The following ZDHHC15 variants were observed in gnomAD, a reference collection of about 807,000 sequenced individuals.
ZDHHC15 encodes the protein zDHHC palmitoyltransferase 15, also known as palmitoyltransferase ZDHHC15.
ZDHHC15 carries 19 observed loss-of-function variants against 31.7 expected under a neutral mutation model. The observed-to-expected ratio is 0.60, with a 90% CI of 0.42 to 0.88. The LOEUF (loss-of-function observed/expected upper bound fraction) is 0.88, where lower values mean the gene tolerates loss of function less well. Among genes scored for constraint, ZDHHC15 ranks in the 40% least tolerant of loss-of-function variants. The pLI is 0.00. For synonymous variants in ZDHHC15, 103 were observed against 90.0 expected (o/e 1.14, Z -0.82); for missense variants, 209 against 251.2 (o/e 0.83, Z 1.14).
At chrX:75,455,181 T>C (rs1206414533) in intron 3 of ZDHHC15, among the ~76,000 whole-genome samples, 1 of 111,097 alleles carries the variant, frequency 9.0e-6, no homozygotes, top group East Asian at 2.8e-4. Flanking sequence ...TATAGCCCAA[T>C]GGAACAGAAC....
At chrX:75,430,203 T>A (rs1423972554) in intron 5 of ZDHHC15, among the ~76,000 whole-genome samples, 3 of 111,789 alleles carry the variant, frequency 2.7e-5, no homozygotes, top group Non-Finnish European at 5.6e-5. Flanking sequence ...GTTACATGCT[T>A]ATAAGTCCAA....
chrX:75,494,975 C>T (rs2084966891), intron 2 of ZDHHC15, among the ~76,000 whole-genome samples: 1 of 111,884 alleles, frequency 8.9e-6, no homozygotes, highest in Non-Finnish European at 1.9e-5. Context: ...GCAAAAGAAA[C>T]TACCATCAGA....
chrX:75,458,871 A>G (rs1008799738), intron 3 of ZDHHC15, among the ~76,000 whole-genome samples: 7 of 108,980 alleles, frequency 6.4e-5, no homozygotes, highest in African/African-American at 1.0e-4. Context: ...GAGTGAGTTC[A>G]GCACCTTCAA....
chrX:75,509,273 T>C (rs1173708982), intron 1 of ZDHHC15, among the ~76,000 whole-genome samples: 6 of 112,113 alleles, frequency 5.4e-5, no homozygotes, highest in African/African-American at 1.9e-4. Flanking sequence ...TATACTCATA[T>C]GACAAAGGGC....
intron 10 of ZDHHC15, among the ~76,000 whole-genome samples, chrX:75,397,098 G>A (rs775290488): frequency 3.2e-4 from 35 of 110,296 alleles, no homozygotes; most frequent in Admixed American, 5.8e-4. Context: ...AGGCCAAGAC[G>A]GGTGGATCAC....
At chrX:75,482,178 T>C (rs1021567879) in intron 2 of ZDHHC15, among the ~76,000 whole-genome samples, 1 of 111,162 alleles carries the variant, frequency 9.0e-6, no homozygotes, top group African/African-American at 3.3e-5. Flanking sequence ...GTACTATGCT[T>C]ACTATTTGGG....
Position 75,453,608 on chromosome X carries a change from T to A in ZDHHC15, c.259-2686A>T, listed in dbSNP as rs1235798773. Among the ~76,000 whole-genome samples, 6 of 110,998 alleles carry A rather than the reference T, an allele frequency of 5.4e-5. No homozygotes were observed. The East Asian group carries it at 1.7e-3, about 31-fold the overall frequency. On this transcript the variant is annotated intron_variant, in intron 3 of 11. Coordinates refer to ENST00000373367, the MANE Select transcript of ZDHHC15 (RefSeq NM_144969.3). ...AAAAAAAGAGACTTTTAGACCAATA[T>A]CCCAGATGAATATCGATGTGAAAAT...
chrX:75,490,067 C>A (rs2148006470), intron 2 of ZDHHC15, among the ~76,000 whole-genome samples: 1 of 111,468 alleles, frequency 9.0e-6, no homozygotes, highest in South Asian at 3.8e-4. Context: ...ACGAACAAAG[C>A]CTCCAAGAAA....
In ZDHHC15 at chrX:75,437,124, G is replaced by A. The variant is rs985665527; in HGVS notation, c.380-5604C>T. 8.1e-5 allele frequency among the ~76,000 whole-genome samples: 9 copies of A among 110,662 alleles called. No individual in the cohort carries two copies. In the East Asian group the frequency reaches 8.6e-4, roughly 11 times the overall value. On this transcript the variant is annotated intron_variant, in intron 4 of 11. Coordinates refer to ENST00000373367, the MANE Select transcript of ZDHHC15 (RefSeq NM_144969.3). ...TCTTGATCGCCTTACCTCGTGATCC[G>A]CCCGCCCCGGCCACCCAAAGTGCTG...
chrX:75,433,689 GTGTGTGTGTATATA>G (rs763447001), intron 4 of ZDHHC15, among the ~76,000 whole-genome samples: 224 of 11,979 alleles, frequency 0.019, no homozygotes, highest in Non-Finnish European at 0.038. Context: ...GTGTGTGTGT[GTGTGTGTGTATATA>G]TATATATATA....
chrX:75,376,444 G>C (rs761794817), intron 11 of ZDHHC15, among the ~76,000 whole-genome samples: 1 of 111,302 alleles, frequency 9.0e-6, no homozygotes, highest in Admixed American at 9.6e-5. Flanking sequence ...TGTTGCAATT[G>C]CTTTTGGGGA....
chrX:75,469,083 T>G (rs1405409118), intron 3 of ZDHHC15, among the ~76,000 whole-genome samples: 1 of 111,305 alleles, frequency 9.0e-6, no homozygotes, highest in Non-Finnish European at 1.9e-5. Context: ...GAAGTCAAAT[T>G]TATCCACTTT....
intron 1 of ZDHHC15, among the ~76,000 whole-genome samples, chrX:75,515,985 T>C (rs1182743553): frequency 1.8e-5 from 2 of 111,319 alleles, no homozygotes; most frequent in African/African-American, 3.3e-5. Flanking sequence ...CCATTCACAA[T>C]TGCTTCAAAG....
intron 2 of ZDHHC15, among the ~76,000 whole-genome samples, chrX:75,484,680 C>G (rs1339068557): frequency 1.8e-5 from 2 of 111,964 alleles, no homozygotes; most frequent in Non-Finnish European, 3.8e-5. Context: ...GGTTAATCAT[C>G]CACTTACCAT....
At chrX:75,382,094 G>A (rs56379132) in intron 10 of ZDHHC15, among the ~76,000 whole-genome samples, 2 of 111,996 alleles carry the variant, frequency 1.8e-5, no homozygotes, top group African/African-American at 6.5e-5. Context: ...GTAATTAGTA[G>A]CACCATTTTT....
chrX:75,387,133 A>G (rs2083188256), intron 10 of ZDHHC15, among the ~76,000 whole-genome samples: 1 of 112,174 alleles, frequency 8.9e-6, no homozygotes, highest in Non-Finnish European at 1.9e-5. Flanking sequence ...ACAGTGACCT[A>G]GTGAGGAAAA....
chrX:75,456,435 T>C (rs1245071062), intron 3 of ZDHHC15, among the ~76,000 whole-genome samples: 1 of 110,734 alleles, frequency 9.0e-6, no homozygotes, highest in Non-Finnish European at 1.9e-5. Context: ...CACACCAACA[T>C]GGCACATATA....
chrX:75,397,766 A>G (rs1411867440), intron 10 of ZDHHC15, among the ~76,000 whole-genome samples: 1 of 111,488 alleles, frequency 9.0e-6, no homozygotes, highest in Non-Finnish European at 1.9e-5. Flanking sequence ...AAGAAAAGCA[A>G]GAGGACAACG....
chrX:75,368,995 T>G lies in ZDHHC15; in HGVS notation c.*3983A>C, dbSNP rs765044746. The stretch of plus-strand genomic sequence containing the variant: ...AATTTAATATGGTACATTACAGCTA[T>G]GGTTAAAGAAATGCAGATGTACCAT... On this transcript the variant is annotated 3_prime_UTR_variant, in exon 12 of 12. Coordinates refer to ENST00000373367, the MANE Select transcript of ZDHHC15 (RefSeq NM_144969.3). 1.8e-5 allele frequency: 2 copies of G among 111,765 alleles called. No individual in the cohort carries two copies. The highest frequency in any genetic ancestry group is 3.8e-5 in the Non-Finnish European group (2 of 53,138). The allele number at this position is 111,765 out of a possible 1,213,427, so 9.2% of individuals were successfully genotyped here. A position where few individuals can be genotyped will look rare whatever the true frequency, so the allele number is the denominator to read the frequency against.
Sources: allele counts gnomAD v4.1 joint callset (sites outside exome capture counted in the v4.1 genomes callset), GRCh38; gene constraint gnomAD v4.1.1; transcripts MANE v1.5; gene names NCBI Gene and HGNC (gene_info 2026-07-23, HGNC 2026-07-21).